The following KPNA6 variants were observed in gnomAD, a reference collection of about 807,000 sequenced individuals.
KPNA6 encodes the protein karyopherin subunit alpha 6, also known as importin subunit alpha-7.
A neutral mutation model predicts 72.0 loss-of-function variants in KPNA6; 9 were observed. The observed-to-expected ratio is 0.13, with a 90% CI of 0.08 to 0.22. The LOEUF (loss-of-function observed/expected upper bound fraction) is 0.22, where lower values mean the gene tolerates loss of function less well. Among genes scored for constraint, KPNA6 ranks in the 10% least tolerant of loss-of-function variants. The pLI is 1.00. For synonymous variants in KPNA6, 219 were observed against 242.1 expected (o/e 0.90, Z 0.89); for missense variants, 374 against 655.7 (o/e 0.57, Z 4.69).
At chr1:32,111,933 C>T (rs1641249636) in intron 1 of KPNA6, among the ~76,000 whole-genome samples, 1 of 152,180 alleles carries the variant, frequency 6.6e-6, no homozygotes, top group South Asian at 2.1e-4. Context: ...GCAGACACTA[C>T]TTGTCTTTTC....
chr1:32,128,086 C>T (rs1641565364), intron 1 of KPNA6, among the ~76,000 whole-genome samples: 1 of 151,688 alleles, frequency 6.6e-6, no homozygotes, highest in Admixed American at 6.6e-5. Flanking sequence ...CGTTTTAGTC[C>T]CTTGTGGTAC....
intron 1 of KPNA6, among the ~76,000 whole-genome samples, chr1:32,120,353 T>G (rs953642627): frequency 6.6e-6 from 1 of 150,862 alleles, no homozygotes; most frequent in Non-Finnish European, 1.5e-5. Context: ...CAAGCGATTC[T>G]CCTGCCTCAG....
chr1:32,157,724 C>T (rs1642169420), intron 4 of KPNA6, among the ~76,000 whole-genome samples: 1 of 152,128 alleles, frequency 6.6e-6, no homozygotes, highest in South Asian at 2.1e-4. Flanking sequence ...ATATTCTCCT[C>T]CTCTCCCCCC....
chr1:32,141,354 C>CTT (rs796943396), intron 1 of KPNA6, among the ~76,000 whole-genome samples: 2,664 of 44,390 alleles, frequency 0.06, 140 homozygotes, highest in African/African-American at 0.17. Flanking sequence ...TCCATTAGGG[C>CTT]TTTTTTTTTT....
intron 2 of KPNA6, among the ~76,000 whole-genome samples, chr1:32,155,867 A>G (rs1400593855): frequency 6.7e-6 from 1 of 149,496 alleles, no homozygotes; most frequent in Non-Finnish European, 1.5e-5. Flanking sequence ...AGCCTCCTGC[A>G]TAGCTGGACT....
chr1:32,133,963 C>G (rs904192560), intron 1 of KPNA6, among the ~76,000 whole-genome samples: 2 of 151,712 alleles, frequency 1.3e-5, no homozygotes, highest in African/African-American at 4.8e-5. Flanking sequence ...TTGCTTGAGG[C>G]CAGGCGTGGT....
Position 32,160,689 on chromosome 1 carries a change from T to C in KPNA6, c.633T>C (p.Leu211=). 6.2e-7 allele frequency: 1 copy of C among 1,613,484 alleles called. No individual in the cohort carries two copies. The highest frequency in any genetic ancestry group is 8.5e-7 in the Non-Finnish European group (1 of 1,179,374). The stretch of plus-strand genomic sequence containing the variant: ...ATTACGTCTTGAACTGTTCCATCCT[T>C]AATCCTTTGTTAACGTGAGTAATTA... The part of the protein sequence containing the change: ...CRDYVLNCSI[L]NPLLTLLTKS... Residue 211 remains leucine (L), a synonymous_variant, in exon 7 of 14, where the codon CTT becomes CTC. Transcript: ENST00000373625.
rs180726652 is a variant in KPNA6, at chr1:32,127,949, T to C, written c.4+19815T>C. On this transcript the variant is annotated intron_variant, in intron 1 of 13. Transcript: ENST00000373625. ...CACAGTGCCTGTTTGAGATTGGAGA[T>C]AACCATTTGGTTATCTGCAACACAC... Among the ~76,000 whole-genome samples the C allele has an allele frequency of 3.3e-4, 50 of 152,282 alleles. 1 individual carries two copies. The East Asian group carries it at 4.6e-3, about 14-fold the overall frequency.
intron 10 of KPNA6, among the ~76,000 whole-genome samples, chr1:32,165,157 T>C (rs1642310003): frequency 6.6e-6 from 1 of 152,186 alleles, no homozygotes; most frequent in South Asian, 2.1e-4. Flanking sequence ...TCCTCCCACC[T>C]TGGCTTCTCA....
chr1:32,144,628 G>A (rs1431843532), intron 1 of KPNA6, among the ~76,000 whole-genome samples: 1 of 152,102 alleles, frequency 6.6e-6, no homozygotes, highest in Non-Finnish European at 1.5e-5. Flanking sequence ...AGTAGGTGTG[G>A]AGTAGTATGT....
chr1:32,137,063 A>G (rs1390538490), intron 1 of KPNA6, among the ~76,000 whole-genome samples: 3 of 152,212 alleles, frequency 2.0e-5, no homozygotes, highest in African/African-American at 7.2e-5. Context: ...AAAATTATGT[A>G]AGTGCTCATT....
rs115279238 is a variant in KPNA6 at position 32,120,124 on chromosome 1, A to G, written c.4+11990A>G. On this transcript the variant is annotated intron_variant, in intron 1 of 13. Transcript: ENST00000373625. ...CATTAACAAAAGATATTTGAGGCCA[A>G]ATATAGCCTGAGAATTGTCTGTCTT... is the stretch of plus-strand genomic sequence containing the variant. 9.7e-3 allele frequency among the ~76,000 whole-genome samples: 1,477 copies of G among 152,304 alleles called. 21 individuals are homozygous for G. The highest frequency in any genetic ancestry group is 0.033 in the African/African-American group (1,360 of 41,550).
intron 4 of KPNA6, 80 bp downstream of exon 4, chr1:32,157,525 T>G (rs1642165675): frequency 2.0e-6 from 2 of 994,814 alleles, no homozygotes; most frequent in Non-Finnish European, 3.1e-6. Context: ...AACTTACACG[T>G]GCCCTCACTC....
intron 1 of KPNA6, among the ~76,000 whole-genome samples, chr1:32,136,109 A>C (rs1641729936): frequency 6.6e-6 from 1 of 152,176 alleles, no homozygotes; most frequent in Non-Finnish European, 1.5e-5. Flanking sequence ...TACAGGGACT[A>C]ATATGTTTTT....
intron 7 of KPNA6, among the ~76,000 whole-genome samples, chr1:32,161,448 G>A (rs888143306): frequency 2.0e-5 from 3 of 152,162 alleles, no homozygotes; most frequent in Non-Finnish European, 2.9e-5. Context: ...AGTAAACTAT[G>A]CCTAAACCAA....
At chr1:32,169,503 G>A (rs1304851024) in intron 12 of KPNA6, among the ~76,000 whole-genome samples, 2 of 149,946 alleles carry the variant, frequency 1.3e-5, no homozygotes, top group East Asian at 4.0e-4. Flanking sequence ...CTGGAGTGCA[G>A]TGGCGTAATC....
At chr1:32,143,759 C>G (rs1381286590) in intron 1 of KPNA6, among the ~76,000 whole-genome samples, 1 of 152,106 alleles carries the variant, frequency 6.6e-6, no homozygotes, top group Non-Finnish European at 1.5e-5. Context: ...CGATAACTCC[C>G]TATTTTCCTC....
intron 1 of KPNA6, among the ~76,000 whole-genome samples, chr1:32,129,492 A>C (rs1171799231): frequency 2.6e-5 from 4 of 151,740 alleles, no homozygotes; most frequent in Non-Finnish European, 5.9e-5. Flanking sequence ...CAGTCCCTAT[A>C]ATTTTGTTTC....
At position 32,157,167 on chromosome 1, in the gene KPNA6, T is replaced by A. The variant is rs188391996; in HGVS notation, c.232-179T>A. 1.1e-4 allele frequency among the ~76,000 whole-genome samples: 17 copies of A among 152,308 alleles called. No homozygotes were observed. In the East Asian group the frequency reaches 3.3e-3, roughly 29 times the overall value. On this transcript the variant is annotated intron_variant, in intron 3 of 13. Transcript: ENST00000373625. Reference sequence around the variant, plus strand: ...CCATCAGTTGCCTCAGAATTAGGAATCACTTTTCAAATGTCCCAACTTGAA... The same window carrying A: ...CCATCAGTTGCCTCAGAATTAGGAAACACTTTTCAAATGTCCCAACTTGAA...
Sources: allele counts gnomAD v4.1 joint callset (sites outside exome capture counted in the v4.1 genomes callset), GRCh38; gene constraint gnomAD v4.1.1; transcripts MANE v1.5; gene names NCBI Gene and HGNC (gene_info 2026-07-23, HGNC 2026-07-21).